NTRK2: variants seen among roughly 807,000 people sequenced by gnomAD.
NTRK2 encodes the protein BDNF/NT-3 growth factors receptor.
Under a neutral mutation model 94.5 loss-of-function variants are expected in NTRK2, and 13 were observed. That is an observed-to-expected ratio of 0.14 (90% CI 0.09 to 0.22). NTRK2 has a LOEUF of 0.22. Among genes scored for constraint, NTRK2 ranks in the 10% least tolerant of loss-of-function variants. NTRK2 has a pLI of 1.00. For missense variants in NTRK2, 639 were observed against 1,071.2 expected (o/e 0.60, Z 5.63); for synonymous variants, 372 against 407.4 (o/e 0.91, Z 1.05).
In NTRK2 at chr9:85,020,186, G is replaced by A. The variant is rs2117924328; in HGVS notation, c.2173-20G>A. On this transcript the variant is annotated intron_variant, in intron 17 of 18. Transcript: ENST00000277120. ...GTTTCGGGGTGACTGATGCCTCCCT[G>A]TTGATCCCTTTCTCCCCAGGTCGGT... The A allele has an allele frequency of 6.2e-7, 1 of 1,613,842 alleles. No homozygotes were observed. The highest frequency in any genetic ancestry group is 8.5e-7 in the Non-Finnish European group (1 of 1,179,960).
intron 6 of NTRK2, among the ~76,000 whole-genome samples, chr9:84,713,161 G>A (rs2061515795): frequency 6.6e-6 from 1 of 152,056 alleles, no homozygotes; most frequent in Non-Finnish European, 1.5e-5. Flanking sequence ...TTACTATTGA[G>A]TATCTTATAT....
intron 17 of NTRK2, among the ~76,000 whole-genome samples, chr9:84,966,652 C>T (rs1479679588): frequency 1.3e-5 from 2 of 152,032 alleles, no homozygotes; most frequent in African/African-American, 4.8e-5. Flanking sequence ...AGGCTGGTCT[C>T]GAACTCCTGG....
chr9:84,922,487 C>T (rs1396169322), intron 14 of NTRK2, among the ~76,000 whole-genome samples: 1 of 152,190 alleles, frequency 6.6e-6, no homozygotes, highest in Non-Finnish European at 1.5e-5. Flanking sequence ...TTAGACTCTC[C>T]ATCTTTTGAG....
intron 17 of NTRK2, among the ~76,000 whole-genome samples, chr9:84,994,088 C>G (rs920565650): frequency 6.6e-6 from 1 of 152,314 alleles, no homozygotes; most frequent in South Asian, 2.1e-4. Flanking sequence ...TAAAGGGTTA[C>G]TTCCAAGCGC....
chr9:84,747,850 T>C (rs957919863), intron 11 of NTRK2, among the ~76,000 whole-genome samples: 1 of 152,116 alleles, frequency 6.6e-6, no homozygotes, highest in African/African-American at 2.4e-5. Flanking sequence ...TATAGTATAG[T>C]TGCTGGAAGG....
intron 15 of NTRK2, among the ~76,000 whole-genome samples, chr9:84,935,914 A>T (rs1467839984): frequency 1.3e-5 from 2 of 152,086 alleles, no homozygotes; most frequent in Non-Finnish European, 2.9e-5. Context: ...TTGTAAATTC[A>T]TAGTTTGATC....
At chr9:84,823,900 T>G (rs2073017216) in intron 12 of NTRK2, among the ~76,000 whole-genome samples, 1 of 152,130 alleles carries the variant, frequency 6.6e-6, no homozygotes, top group South Asian at 2.1e-4. Context: ...TAGATACTTG[T>G]CTTAAGTCAG....
chr9:84,903,371 T>A (rs1197750635), intron 14 of NTRK2, among the ~76,000 whole-genome samples: 1 of 152,226 alleles, frequency 6.6e-6, no homozygotes, highest in Non-Finnish European at 1.5e-5. Flanking sequence ...ATGGAAGCCA[T>A]AGGAAAGGAG....
intron 17 of NTRK2, among the ~76,000 whole-genome samples, chr9:84,997,700 G>A (rs887623249): frequency 6.6e-6 from 1 of 152,318 alleles, no homozygotes; most frequent in East Asian, 1.9e-4. Context: ...CTGATGATGT[G>A]CACAGCAGAG....
At chr9:84,797,386 A>G (rs2069459118) in intron 12 of NTRK2, among the ~76,000 whole-genome samples, 1 of 150,184 alleles carries the variant, frequency 6.7e-6, no homozygotes, top group Non-Finnish European at 1.5e-5. Flanking sequence ...CCTTTGCAGA[A>G]AAAGTTTGGT....
At chr9:84,972,441 A>T (rs186762859) in intron 17 of NTRK2, among the ~76,000 whole-genome samples, 4 of 152,278 alleles carry the variant, frequency 2.6e-5, no homozygotes, top group Admixed American at 6.5e-5. Context: ...TGAGTTTATG[A>T]AGGGGCTTCA....
intron 14 of NTRK2, chr9:84,877,206 T>C: frequency 9.4e-7 from 1 of 1,065,358 alleles, no homozygotes; most frequent in Non-Finnish European, 1.1e-6. Context: ...GTCTAATGGC[T>C]GATTCATCGG....
chr9:84,791,313 T>C (rs2068705808), intron 12 of NTRK2, among the ~76,000 whole-genome samples: 1 of 152,176 alleles, frequency 6.6e-6, no homozygotes, highest in Non-Finnish European at 1.5e-5. Context: ...TTTGCAATTA[T>C]ATGTATAATT....
intron 15 of NTRK2, among the ~76,000 whole-genome samples, chr9:84,936,712 C>G (rs2078224477): frequency 1.3e-5 from 2 of 152,202 alleles, no homozygotes; most frequent in Admixed American, 1.3e-4. Context: ...CAACTCTTCT[C>G]TTTGCTAGTT....
At chr9:84,864,214 TG>T (rs2132024284) in intron 13 of NTRK2, among the ~76,000 whole-genome samples, 1 of 152,202 alleles carries the variant, frequency 6.6e-6, no homozygotes, top group South Asian at 2.1e-4. Context: ...AGAAAGCAAC[TG>T]GGGTCAATGC....
At chr9:84,902,564 A>G (rs528329714) in intron 14 of NTRK2, among the ~76,000 whole-genome samples, 39 of 152,334 alleles carry the variant, frequency 2.6e-4, no homozygotes, top group African/African-American at 9.1e-4. Flanking sequence ...AAATAAATAC[A>G]TACATAAACA....
intron 12 of NTRK2, among the ~76,000 whole-genome samples, chr9:84,767,689 G>A (rs201767506): frequency 6.6e-6 from 1 of 152,034 alleles, no homozygotes; most frequent in African/African-American, 2.4e-5. Flanking sequence ...GTCACCTTTT[G>A]GGATCTCCTA....
intron 12 of NTRK2, among the ~76,000 whole-genome samples, chr9:84,782,811 G>T (rs1241887715): frequency 6.6e-6 from 1 of 152,192 alleles, no homozygotes; most frequent in Non-Finnish European, 1.5e-5. Flanking sequence ...AGGACTTAGA[G>T]ATATGTTAAT....
intron 12 of NTRK2, among the ~76,000 whole-genome samples, chr9:84,828,542 C>A (rs2073331105): frequency 6.6e-6 from 1 of 152,150 alleles, no homozygotes; most frequent in Admixed American, 6.5e-5. Context: ...TTATTGTATT[C>A]ATTCCAAAGA....
Sources: allele counts gnomAD v4.1 joint callset (sites outside exome capture counted in the v4.1 genomes callset), GRCh38; gene constraint gnomAD v4.1.1; transcripts MANE v1.5; gene names NCBI Gene and HGNC (gene_info 2026-07-23, HGNC 2026-07-21).